Variants in BLTP2 observed in about 807,000 individuals in gnomAD.
BLTP2 encodes bridge-like lipid transfer protein family member 2.
the BLTP2 span, chr17:28,615,854 G>A: frequency 6.3e-7 from 1 of 1,586,744 alleles, no homozygotes; most frequent in Non-Finnish European, 8.6e-7. Context: ...TACATCAGCT[G>A]CCATTTTGAG....
At chr17:28,631,264 G>A in the BLTP2 span, among the ~76,000 whole-genome samples, 1 of 152,186 alleles carries the variant, frequency 6.6e-6, no homozygotes, top group African/African-American at 2.4e-5. Flanking sequence ...TGTGAGGACA[G>A]ACACAAGGCA....
the BLTP2 span, among the ~76,000 whole-genome samples, chr17:28,629,299 AT>A: frequency 0.11 from 15,756 of 150,030 alleles, 1,171 homozygotes; most frequent in African/African-American, 0.21. Context: ...CAGTGGTGTG[AT>A]TTTTTTTTGA....
the BLTP2 span, chr17:28,628,296 G>A: frequency 6.2e-7 from 1 of 1,614,150 alleles, no homozygotes; most frequent in Non-Finnish European, 8.5e-7. Context: ...GTTGTCCACT[G>A]AAGCTGGGAG....
At chr17:28,615,522 G>A in the BLTP2 span, 17 of 975,434 alleles carry the variant, frequency 1.7e-5, no homozygotes, top group Admixed American at 1.0e-4. Flanking sequence ...TCATGGAGAG[G>A]GTAGGCATAG....
chr17:28,617,358 T>C, the BLTP2 span: 1 of 1,482,520 alleles, frequency 6.7e-7, no homozygotes, highest in African/African-American at 1.4e-5. Flanking sequence ...ATAATAAACC[T>C]TTCTCAGAAG....
chr17:28,620,404 CT>C, the BLTP2 span: 6 of 1,366,394 alleles, frequency 4.4e-6, no homozygotes, highest in East Asian at 6.9e-5. Flanking sequence ...CCACAAGGCC[CT>C]TTTTCAGTGT....
chr17:28,642,244 T>C, the BLTP2 span: 2 of 1,611,994 alleles, frequency 1.2e-6, no homozygotes, highest in South Asian at 1.1e-5. Flanking sequence ...CAGGAGGAAA[T>C]GAGGCATCTG....
At chr17:28,625,334 C>CAAAAAAAA in the BLTP2 span, among the ~76,000 whole-genome samples, 87 of 28,804 alleles carry the variant, frequency 3.0e-3, no homozygotes, top group Middle Eastern at 0.031. Flanking sequence ...GACTCCGTCT[C>CAAAAAAAA]AAAAAAAAAA....
the BLTP2 span, chr17:28,639,776 G>T: frequency 7.0e-7 from 1 of 1,429,450 alleles, no homozygotes; most frequent in Non-Finnish European, 9.9e-7. Context: ...TTTTCTCTCA[G>T]TATGTTCCCT....
the BLTP2 span, chr17:28,639,212 G>A: frequency 2.5e-6 from 3 of 1,190,704 alleles, no homozygotes; most frequent in African/African-American, 1.5e-5. Flanking sequence ...ATTTGAGGAG[G>A]TCAAACAACC....
At chr17:28,625,823 T>C in the BLTP2 span, among the ~76,000 whole-genome samples, 4 of 152,152 alleles carry the variant, frequency 2.6e-5, no homozygotes, top group Admixed American at 6.5e-5. Flanking sequence ...TGGAGTGCAA[T>C]GGCGCAATCT....
the BLTP2 span, chr17:28,631,585 G>GT: frequency 6.2e-7 from 1 of 1,614,148 alleles, no homozygotes; most frequent in Non-Finnish European, 8.5e-7. Context: ...ATTCTCTTCA[G>GT]TGGGTGAGGC....
the BLTP2 span, among the ~76,000 whole-genome samples, chr17:28,638,872 C>T: frequency 1.3e-5 from 2 of 152,286 alleles, no homozygotes; most frequent in East Asian, 3.9e-4. Context: ...ATAAAATTAT[C>T]ATTTTCATAG....
At chr17:28,620,857 G>A in the BLTP2 span, 1 of 1,000,332 alleles carries the variant, frequency 1.0e-6, no homozygotes, top group Non-Finnish European at 1.5e-6. Flanking sequence ...ACAAAAAGTA[G>A]AGCAAAGTGA....
At chr17:28,618,765 T>C in the BLTP2 span, 6 of 1,592,458 alleles carry the variant, frequency 3.8e-6, no homozygotes, top group Non-Finnish European at 5.2e-6. Context: ...TACAGCTGCC[T>C]TTGTGTGACC....
the BLTP2 span, chr17:28,639,035 G>A: frequency 2.0e-6 from 1 of 490,838 alleles, no homozygotes; most frequent in Admixed American, 3.8e-5. Context: ...AGGCAGGCAA[G>A]ACAAAGACAT....
At chr17:28,641,768 G>A in the BLTP2 span, 10 of 905,326 alleles carry the variant, frequency 1.1e-5, no homozygotes, top group Non-Finnish European at 1.7e-5. Flanking sequence ...TATCCTTAGG[G>A]TCAAAGTCCA....
At chr17:28,641,980 C>T in the BLTP2 span, 1 of 1,614,206 alleles carries the variant, frequency 6.2e-7, no homozygotes, top group Non-Finnish European at 8.5e-7. Flanking sequence ...CATGGAGTGT[C>T]CACACATCCA....
the BLTP2 span, chr17:28,634,663 G>C: frequency 6.2e-7 from 1 of 1,614,194 alleles, no homozygotes; most frequent in Non-Finnish European, 8.5e-7. Flanking sequence ...ATCTGCCAGA[G>C]CTACCAGTTC....
Sources: allele counts gnomAD v4.1 joint callset (sites outside exome capture counted in the v4.1 genomes callset), GRCh38; gene constraint gnomAD v4.1.1; transcripts MANE v1.5; gene names NCBI Gene and HGNC (gene_info 2026-07-23, HGNC 2026-07-21).